Variants in MECOM observed in about 807,000 individuals in gnomAD.
The protein encoded by MECOM is MDS1 and EVI1 complex locus, also known as histone-lysine N-methyltransferase MECOM.
In MECOM, 13 loss-of-function variants were observed where a neutral mutation model predicts 116.3. The ratio of observed to expected loss-of-function variants is 0.11; its 90% CI spans 0.07 to 0.18. The LOEUF is 0.18. Among genes scored for constraint, MECOM ranks in the 10% least tolerant of loss-of-function variants. The pLI is 1.00. For missense variants in MECOM, 1,299 were observed against 1,509.0 expected (o/e 0.86, Z 2.31); for synonymous variants, 528 against 535.2 (o/e 0.99, Z 0.19).
chr3:169,635,924 T>G (rs1772690133), intron 1 of MECOM, among the ~76,000 whole-genome samples: 2 of 152,236 alleles, frequency 1.3e-5, no homozygotes, highest in South Asian at 4.1e-4. Flanking sequence ...GCAATTAATT[T>G]TTTAAACCTA....
At position 169,115,657 on chromosome 3, in the gene MECOM, C is replaced by T; in HGVS notation, c.2215G>A (p.Glu739Lys). Residue 739 changes from glutamate (E) to lysine (K), a missense_variant, in exon 8 of 17, where the codon GAG becomes AAG. Physicochemically the swap from Glu to Lys is moderately conservative, Grantham distance 56. This residue lies in a region of MECOM where 340 missense variants were observed against 312.6 expected (regional missense o/e 1.09). Coordinates refer to ENST00000651503, the MANE Select transcript of MECOM (RefSeq NM_004991.4). ...TTAGTGGTGAGATCAAAGGGGGACT[C>T]AGAGCTGCCCTTCTGCAGTTTCTTT... The part of the protein sequence containing the change: ...EVKKLQKGSS[E>K]SPFDLTTKRK... The T allele has an allele frequency of 1.2e-6, 2 of 1,614,120 alleles. No individual in the cohort carries two copies. Among genetic ancestry groups the T allele is most frequent in the East Asian group, 2.2e-5 (1 of 44,870 alleles).
chr3:169,415,517 T>C (rs1446732817), intron 1 of MECOM, among the ~76,000 whole-genome samples: 1 of 152,124 alleles, frequency 6.6e-6, no homozygotes, highest in Non-Finnish European at 1.5e-5. Context: ...TAGGATCAAA[T>C]TCACACATAA....
chr3:169,108,652 G>C (rs997676997), intron 9 of MECOM, among the ~76,000 whole-genome samples: 6 of 151,998 alleles, frequency 3.9e-5, no homozygotes, highest in African/African-American at 1.4e-4. Context: ...TACATGTTTT[G>C]GTATATTTAA....
intron 1 of MECOM, among the ~76,000 whole-genome samples, chr3:169,491,071 C>T (rs1238543520): frequency 1.3e-5 from 2 of 151,874 alleles, no homozygotes; most frequent in Admixed American, 1.3e-4. Context: ...TTGCCCAAAC[C>T]AGTCTTAAAC....
At chr3:169,342,812 G>A (rs1251481274) in intron 2 of MECOM, among the ~76,000 whole-genome samples, 1 of 152,274 alleles carries the variant, frequency 6.6e-6, no homozygotes, top group South Asian at 2.1e-4. Flanking sequence ...TGGGAATGTG[G>A]CCACTAGGAG....
rs116150303 is a variant in MECOM at position 169,563,889 on chromosome 3, G to A, written c.37+99447C>T. 5.8e-3 allele frequency among the ~76,000 whole-genome samples: 877 copies of A among 152,152 alleles called. 12 individuals are homozygous for A. Among genetic ancestry groups the A allele is most frequent in the African/African-American group, 0.02 (828 of 41,490 alleles). ...AAATGTCAAGTGTAGGTGCTCTTCC[G>A]GGCCTTCAGAATGGTTCTTCCTCTC... is the stretch of plus-strand genomic sequence containing the variant. On this transcript the variant is annotated intron_variant, in intron 1 of 16. Transcript: ENST00000651503.
chr3:169,521,237 T>C (rs147886740), intron 1 of MECOM, among the ~76,000 whole-genome samples: 220 of 152,302 alleles, frequency 1.4e-3, no homozygotes, highest in African/African-American at 5.1e-3. Context: ...TCTTCGTTCA[T>C]AGCTTGTAAA....
intron 2 of MECOM, among the ~76,000 whole-genome samples, chr3:169,158,697 T>A (rs1196700912): frequency 4.6e-5 from 7 of 152,194 alleles, no homozygotes; most frequent in Non-Finnish European, 7.4e-5. Flanking sequence ...AGAGGAAAAA[T>A]TTGATTATAC....
At chr3:169,466,515 T>C (rs1032909754) in intron 1 of MECOM, among the ~76,000 whole-genome samples, 1 of 152,218 alleles carries the variant, frequency 6.6e-6, no homozygotes, top group Non-Finnish European at 1.5e-5. Context: ...ATTAATTTCA[T>C]CATATACTTG....
At chr3:169,456,593 T>C (rs1476167499) in intron 1 of MECOM, among the ~76,000 whole-genome samples, 1 of 152,128 alleles carries the variant, frequency 6.6e-6, no homozygotes, top group Non-Finnish European at 1.5e-5. Flanking sequence ...TGGTTGCAAA[T>C]GCAGAATTCC....
At chr3:169,558,759 A>G (rs923844618) in intron 1 of MECOM, among the ~76,000 whole-genome samples, 2 of 152,142 alleles carry the variant, frequency 1.3e-5, no homozygotes, top group Non-Finnish European at 2.9e-5. Flanking sequence ...ACTACAAAGA[A>G]ACAGCTGCTA....
intron 1 of MECOM, among the ~76,000 whole-genome samples, chr3:169,616,910 T>C (rs917311160): frequency 6.6e-6 from 1 of 152,252 alleles, no homozygotes; most frequent in Non-Finnish European, 1.5e-5. Flanking sequence ...CCAAATCTGT[T>C]TGTAACATAA....
At chr3:169,284,902 C>T (rs568066483) in intron 2 of MECOM, among the ~76,000 whole-genome samples, 2 of 152,192 alleles carry the variant, frequency 1.3e-5, no homozygotes, top group Admixed American at 1.3e-4. Context: ...CATTGCAGTC[C>T]TCCTCACCAT....
At chr3:169,404,645 C>T (rs188764590) in intron 1 of MECOM, among the ~76,000 whole-genome samples, 2 of 152,318 alleles carry the variant, frequency 1.3e-5, no homozygotes, top group Non-Finnish European at 2.9e-5. Flanking sequence ...TCCTCCACCC[C>T]TCCCACTGCC....
intron 5 of MECOM, among the ~76,000 whole-genome samples, chr3:169,123,861 A>G (rs1246679102): frequency 2.0e-5 from 3 of 152,122 alleles, no homozygotes; most frequent in Non-Finnish European, 4.4e-5. Flanking sequence ...CAATAAAGAT[A>G]TTCAAAACAC....
At chr3:169,520,504 T>A (rs1387343582) in intron 1 of MECOM, among the ~76,000 whole-genome samples, 1 of 152,198 alleles carries the variant, frequency 6.6e-6, no homozygotes, top group Non-Finnish European at 1.5e-5. Context: ...ATCTTTCCCA[T>A]TTAGTAACAT....
chr3:169,173,935 T>A (rs1263055324), intron 2 of MECOM, among the ~76,000 whole-genome samples: 1 of 152,206 alleles, frequency 6.6e-6, no homozygotes, highest in Admixed American at 6.5e-5. Flanking sequence ...ACTTTATAAG[T>A]ACTAATGGGA....
intron 2 of MECOM, among the ~76,000 whole-genome samples, chr3:169,230,765 A>G (rs974392961): frequency 2.6e-5 from 4 of 152,114 alleles, no homozygotes; most frequent in African/African-American, 9.7e-5. Context: ...TAAATTTCCT[A>G]GATGGTCATT....
intron 2 of MECOM, among the ~76,000 whole-genome samples, chr3:169,342,009 T>G (rs1389904875): frequency 6.6e-6 from 1 of 152,070 alleles, no homozygotes; most frequent in Non-Finnish European, 1.5e-5. Context: ...AATGATTTTT[T>G]AATAAGTTCT....
Sources: gnomAD v4.1 joint callset for allele counts (sites outside exome capture counted in the v4.1 genomes callset) on GRCh38, gnomAD v4.1.1 for gene constraint, gnomAD v4.1.1 regional missense constraint, MANE v1.5 for transcripts, NCBI Gene and HGNC (gene_info 2026-07-23, HGNC 2026-07-21) for gene names.